SCLY: variants seen among roughly 807,000 people sequenced by gnomAD.
The protein encoded by SCLY is putative selenocysteine lyase.
Under a neutral mutation model 50.1 loss-of-function variants are expected in SCLY, and 38 were observed. The ratio of observed to expected loss-of-function variants is 0.76; its 90% confidence interval spans 0.59 to 0.99. The LOEUF (loss-of-function observed/expected upper bound fraction) is 0.99, where lower values mean the gene tolerates loss of function less well. Ranked by LOEUF, SCLY falls within the 50% of genes least tolerant of loss-of-function variation. The probability of loss-of-function intolerance (pLI) is 0.00; values close to 1 mark genes in which losing one functional copy is unlikely to be tolerated. For missense variants in SCLY, 600 were observed against 620.0 expected (o/e 0.97, Z 0.34); for synonymous variants, 243 against 249.4 (o/e 0.97, Z 0.24).
intron 9 of SCLY, 150 bp from the exon 10 acceptor site, chr2:238,094,270 A>G (rs1009921319): frequency 2.1e-5 from 15 of 704,666 alleles, no homozygotes; most frequent in Non-Finnish European, 3.4e-5. Context: ...TTTGCTTTCC[A>G]TAGTCCGTCC....
rs2065107398 is a variant in SCLY at position 238,069,520 on chromosome 2, C to G, written c.484+43C>G. The G allele has an allele frequency of 1.3e-6, 2 of 1,540,774 alleles. No homozygotes were observed. The highest frequency in any genetic ancestry group is 1.7e-6 in the Non-Finnish European group (2 of 1,144,028). On this transcript the variant is annotated intron_variant, in intron 4 of 11. Transcript: ENST00000254663. This position sits in a 1 kb window ranked among gnomAD's most constrained non-coding sequence, Gnocchi z 5.0. ...GGCCCTGGGACCAGCCTGCTGAGCT[C>G]CAGCTGCGAGGCGGGAAGTGGCCTG...
chr2:238,085,534 C>T (rs1000296805), intron 7 of SCLY, among the ~76,000 whole-genome samples: 5 of 150,874 alleles, frequency 3.3e-5, no homozygotes, highest in African/African-American at 7.3e-5. Context: ...CTGGCTAACA[C>T]GGTGAAACCC....
intron 2 of SCLY, 164 bp downstream of exon 2, chr2:238,064,633 A>AT (rs2065051792): frequency 2.0e-6 from 1 of 498,934 alleles, no homozygotes; most frequent in African/African-American, 2.0e-5. Flanking sequence ...GGAAGGCCCC[A>AT]TTTGTAAGCT....
Position 238,069,266 on chromosome 2 carries a change from T to C in SCLY, c.304-31T>C, listed in dbSNP as rs908550328. Reference sequence around the variant, plus strand: ...CTGACCCTTACCTCAGCACAGTTTTTGTAAATGCTTTTTTTGCTGTATCTC... The same window carrying C: ...CTGACCCTTACCTCAGCACAGTTTTCGTAAATGCTTTTTTTGCTGTATCTC... On this transcript the variant is annotated intron_variant, in intron 3 of 11. Transcript: ENST00000254663. This position sits in a 1 kb window ranked among gnomAD's most constrained non-coding sequence, Gnocchi z 5.0. The C allele has an allele frequency of 1.9e-6, 3 of 1,606,180 alleles. No individual in the cohort carries two copies. The African/African-American group carries it at 4.0e-5, about 22-fold the overall frequency.
At chr2:238,070,006 C>T (rs956245944) in intron 4 of SCLY, among the ~76,000 whole-genome samples, 1 of 152,220 alleles carries the variant, frequency 6.6e-6, no homozygotes, top group African/African-American at 2.4e-5. Flanking sequence ...ACCCATGACG[C>T]GAGGCCTCCT....
chr2:238,098,668 T>TCCACATAGGACCGC lies in SCLY; in HGVS notation c.*315_*316insACATAGGACCGCCC, dbSNP rs1691359477. The TCCACATAGGACCGC allele has an allele frequency of 1.0e-5, 1 of 97,416 alleles. No homozygotes were observed. The highest frequency in any genetic ancestry group is 9.2e-5 in the African/African-American group (1 of 10,876). The allele number at this position is 97,416 out of a possible 1,614,324, so 6.0% of individuals were successfully genotyped here. On this transcript the variant is annotated 3_prime_UTR_variant, in exon 12 of 12. Transcript: ENST00000254663. ...ACATGGGACCGCCCACATAGAACCG[T>TCCACATAGGACCGC]CCTCCAGTGGTGAAGCGGAAACACT...
At chr2:238,064,923 A>G (rs2065054396) in intron 2 of SCLY, 1 of 152,166 alleles carries the variant, frequency 6.6e-6, no homozygotes, top group Admixed American at 6.6e-5. Context: ...TTTGTTTCCA[A>G]TTTATTCTTA....
At chr2:238,091,535 A>ACC in intron 8 of SCLY, 12 of 394,976 alleles carry the variant, frequency 3.0e-5, no homozygotes, top group Admixed American at 1.6e-4. Context: ...GTGAAGTGTC[A>ACC]AGCTGCAGGT....
In SCLY at chr2:238,093,858, C is replaced by T. The variant is rs768274131; in HGVS notation, c.922-3C>T. 3 of 1,613,338 alleles carry T rather than the reference C, an allele frequency of 1.9e-6. No individual in the cohort carries two copies. The highest frequency in any genetic ancestry group is 2.2e-5 in the East Asian group (1 of 44,870). On this transcript the variant is annotated splice_region_variant and splice_polypyrimidine_tract_variant and intron_variant, in intron 8 of 11. Transcript: ENST00000254663. ...CATCCACTTGTTGTGTGTCTGCCCC[C>T]AGGCCGCGGAGCTGGTGACCCAGAA...
chr2:238,072,410 G>C (rs1178869432), intron 4 of SCLY, among the ~76,000 whole-genome samples: 2 of 152,100 alleles, frequency 1.3e-5, no homozygotes, highest in Admixed American at 1.3e-4. Flanking sequence ...GAGATTGCTG[G>C]GTCATGCGGT....
intron 7 of SCLY, among the ~76,000 whole-genome samples, chr2:238,087,930 A>G (rs1229856604): frequency 6.6e-6 from 1 of 152,084 alleles, no homozygotes; most frequent in Non-Finnish European, 1.5e-5. Context: ...CCCCTCTACA[A>G]AAAATAAAAA....
chr2:238,080,138 A>C (rs781766876), intron 4 of SCLY: 2 of 152,032 alleles, frequency 1.3e-5, no homozygotes, highest in African/African-American at 2.4e-5. Flanking sequence ...TCTTTTTCAT[A>C]ATTTCTCTCT....
intron 4 of SCLY, among the ~76,000 whole-genome samples, chr2:238,076,422 G>T (rs1486066806): frequency 1.1e-4 from 16 of 151,912 alleles, no homozygotes; most frequent in Admixed American, 9.2e-4. Flanking sequence ...GGCATTTAAA[G>T]ACATAAATTT....
rs1216220216 is a variant in SCLY at position 238,067,121 on chromosome 2, G to A, written c.203-944G>A. On this transcript the variant is annotated intron_variant, in intron 2 of 11. Transcript: ENST00000254663. This position sits in a 1 kb window ranked among gnomAD's most constrained non-coding sequence, Gnocchi z 4.3. ...AAACCATTATCACTGAGAGAGGGAA[G>A]GCTGAGAGTGAGGGTGACAGTTTAT... 6.6e-6 allele frequency among the ~76,000 whole-genome samples: 1 copy of A among 152,168 alleles called. No individual in the cohort carries two copies. Among genetic ancestry groups the A allele is most frequent in the Non-Finnish European group, 1.5e-5 (1 of 68,042 alleles).
At chr2:238,091,521 A>AT in intron 8 of SCLY, 568 of 433,026 alleles carry the variant, frequency 1.3e-3, no homozygotes, top group South Asian at 3.5e-3. Context: ...CTGTTACAGC[A>AT]GAGGTGAAGT....
At chr2:238,093,610 C>T (rs1164746992) in intron 8 of SCLY, 4 of 509,636 alleles carry the variant, frequency 7.8e-6, no homozygotes, top group Non-Finnish European at 1.1e-5. Flanking sequence ...GCTGGCTCCT[C>T]GAGGGAGCCC....
intron 6 of SCLY, 83 bp downstream of exon 6, chr2:238,082,292 T>C: frequency 7.3e-7 from 1 of 1,370,018 alleles, no homozygotes; most frequent in South Asian, 1.4e-5. Flanking sequence ...TAAGCCTCAC[T>C]GCCCACCGTG....
chr2:238,094,494 C>T lies in SCLY; in HGVS notation c.1080C>T (p.Asn360=), dbSNP rs772229010. ...PGTQRLPNTC[N]FSIRGPRLQG... ...CCCAGCGGCTTCCCAATACCTGTAA[C>T]TTTTCCATCCGGGGACCCCGGCTTC... Residue 360 remains asparagine, a synonymous_variant, in exon 10 of 12, where the codon AAC becomes AAT. Coordinates refer to ENST00000254663, the MANE Select transcript of SCLY (RefSeq NM_016510.7). The T allele has an allele frequency of 6.2e-7, 1 of 1,614,208 alleles. No homozygotes were observed. The highest frequency in any genetic ancestry group is 1.1e-5 in the South Asian group (1 of 91,082).
At position 238,061,147 on chromosome 2, in the gene SCLY, C is replaced by A; in HGVS notation, c.89+4C>A. 6.7e-7 allele frequency: 1 copy of A among 1,490,720 alleles called. No individual in the cohort carries two copies. Among genetic ancestry groups the A allele is most frequent in the Non-Finnish European group, 8.9e-7 (1 of 1,122,560 alleles). 92.3% of individuals were successfully genotyped at this position (1,490,720 alleles called of 1,614,324 possible). A position where few individuals can be genotyped will look rare whatever the true frequency, so the allele number is the denominator to read the frequency against. On this transcript the variant is annotated splice_donor_region_variant and intron_variant, in intron 1 of 11. Transcript: ENST00000254663. Reference sequence around the variant, plus strand: ...GGAAACACAACTCGCCGGAGAGGTGCGCGCCTTTAGGGCAGGGCTGGGGAG... The same window carrying A: ...GGAAACACAACTCGCCGGAGAGGTGAGCGCCTTTAGGGCAGGGCTGGGGAG...
Sources: allele counts gnomAD v4.1 joint callset (sites outside exome capture counted in the v4.1 genomes callset), GRCh38; gene constraint gnomAD v4.1.1; non-coding constraint Gnocchi (gnomAD v3.1); transcripts MANE v1.5; gene names NCBI Gene and HGNC (gene_info 2026-07-23, HGNC 2026-07-21).